Variants in GPR137C observed in about 807,000 individuals in gnomAD.
GPR137C encodes the protein G protein-coupled receptor 137C.
In GPR137C, 27 loss-of-function variants were observed where a neutral mutation model predicts 43.4. The ratio of observed to expected loss-of-function variants is 0.62; its 90% CI spans 0.46 to 0.86. GPR137C has a LOEUF of 0.86. Among genes scored for constraint, GPR137C ranks in the 40% least tolerant of loss-of-function variants. The probability of loss-of-function intolerance (pLI) is 0.00; values close to 1 mark genes in which losing one functional copy is unlikely to be tolerated. For missense variants in GPR137C, 522 were observed against 534.6 expected, an observed-to-expected ratio of 0.98 and a Z score of 0.23; for synonymous variants, 285 against 226.9, an observed-to-expected ratio of 1.26 and a Z score of -2.30.
intron 1 of GPR137C, among the ~76,000 whole-genome samples, chr14:52,584,218 C>G (rs1391120407): frequency 6.6e-6 from 1 of 152,098 alleles, no homozygotes. Flanking sequence ...CCTAAAATAA[C>G]AGAGATTGTC....
chr14:52,578,454 A>G (rs1394143080), intron 1 of GPR137C, among the ~76,000 whole-genome samples: 1 of 151,980 alleles, frequency 6.6e-6, no homozygotes, highest in African/African-American at 2.4e-5. Context: ...TCCCTTCCAT[A>G]AGCTCCTTTT....
At chr14:52,580,088 C>G (rs1178628848) in intron 1 of GPR137C, among the ~76,000 whole-genome samples, 2 of 152,168 alleles carry the variant, frequency 1.3e-5, no homozygotes, top group Admixed American at 6.5e-5. Flanking sequence ...TAACCTTTTT[C>G]TGCACGTACA....
At chr14:52,591,835 C>T (rs1304427653) in intron 1 of GPR137C, among the ~76,000 whole-genome samples, 1 of 152,052 alleles carries the variant, frequency 6.6e-6, no homozygotes, top group Non-Finnish European at 1.5e-5. Context: ...TTAATTAGAT[C>T]CCATTTGTAT....
chr14:52,582,527 C>T (rs1204448542), intron 1 of GPR137C, among the ~76,000 whole-genome samples: 1 of 152,208 alleles, frequency 6.6e-6, no homozygotes, highest in African/African-American at 2.4e-5. Context: ...GGCATGGTGG[C>T]TTATGCCTGT....
intron 3 of GPR137C, among the ~76,000 whole-genome samples, chr14:52,625,589 G>A (rs1329962486): frequency 1.0e-5 from 1 of 95,568 alleles, no homozygotes; most frequent in Admixed American, 1.7e-4. Context: ...GAGTCTTGCT[G>A]TGTCACCCAG....
intron 3 of GPR137C, among the ~76,000 whole-genome samples, chr14:52,628,151 C>CAG (rs1228301647): frequency 6.6e-6 from 1 of 152,146 alleles, no homozygotes; most frequent in Non-Finnish European, 1.5e-5. Flanking sequence ...GTGCTACTGA[C>CAG]ATGAGAAAGA....
chr14:52,577,672 A>G (rs919209363), intron 1 of GPR137C, among the ~76,000 whole-genome samples: 1 of 151,912 alleles, frequency 6.6e-6, no homozygotes, highest in African/African-American at 2.4e-5. Context: ...AAATCAGGTA[A>G]ATTTAAACTT....
rs78427879 is a variant in GPR137C, at chr14:52,577,383, A to C, written c.445-20889A>C. 4.7e-3 allele frequency among the ~76,000 whole-genome samples: 715 copies of C among 152,118 alleles called. 13 individuals are homozygous for C. The highest frequency in any genetic ancestry group is 0.039 in the Admixed American group (594 of 15,266). On this transcript the variant is annotated intron_variant, in intron 1 of 6. Transcript: ENST00000321662. ...ATAGTGTTAAATGTCTACATAAAAA[A>C]GTCATTTCAGATTAACACTAATGTT... is the stretch of plus-strand genomic sequence containing the variant.
intron 1 of GPR137C, among the ~76,000 whole-genome samples, chr14:52,564,990 C>T (rs1304217199): frequency 6.6e-6 from 1 of 152,092 alleles, no homozygotes; most frequent in African/African-American, 2.4e-5. Flanking sequence ...CTAGAGGGAC[C>T]TGAATGCTAC....
At chr14:52,585,836 A>G (rs1412081258) in intron 1 of GPR137C, among the ~76,000 whole-genome samples, 1 of 151,344 alleles carries the variant, frequency 6.6e-6, no homozygotes, top group Non-Finnish European at 1.5e-5. Context: ...CTCAGTCTCA[A>G]AAAAAAAAGA....
At chr14:52,631,688 G>A (rs2039295497) in intron 3 of GPR137C, among the ~76,000 whole-genome samples, 1 of 151,882 alleles carries the variant, frequency 6.6e-6, no homozygotes, top group South Asian at 2.1e-4. Flanking sequence ...CATCAATAGG[G>A]GACTAACAAG....
intron 3 of GPR137C, among the ~76,000 whole-genome samples, chr14:52,608,629 G>A (rs998125363): frequency 1.3e-5 from 2 of 151,982 alleles, no homozygotes; most frequent in Non-Finnish European, 2.9e-5. Flanking sequence ...GGACAGCTCT[G>A]GTGATAAATT....
At chr14:52,611,837 G>T in intron 3 of GPR137C, 2 of 668,600 alleles carry the variant, frequency 3.0e-6, no homozygotes, top group Non-Finnish European at 3.7e-6. Context: ...TAGTGGTGTT[G>T]CAAGGATGAA....
At chr14:52,628,992 T>G (rs1320912226) in intron 3 of GPR137C, among the ~76,000 whole-genome samples, 1 of 152,186 alleles carries the variant, frequency 6.6e-6, no homozygotes, top group African/African-American at 2.4e-5. Context: ...GAATAGATTC[T>G]TCACAAAGAA....
At chr14:52,575,686 C>G (rs2038539638) in intron 1 of GPR137C, among the ~76,000 whole-genome samples, 1 of 152,124 alleles carries the variant, frequency 6.6e-6, no homozygotes, top group Non-Finnish European at 1.5e-5. Context: ...ATCTAAAGAT[C>G]CAAATGTACA....
chr14:52,607,123 G>A (rs2038991582), intron 3 of GPR137C, among the ~76,000 whole-genome samples: 2 of 152,106 alleles, frequency 1.3e-5, no homozygotes, highest in African/African-American at 4.8e-5. Flanking sequence ...CTGATTTCTA[G>A]TCTTGCTCTG....
At chr14:52,610,273 G>A (rs2039024572) in intron 3 of GPR137C, among the ~76,000 whole-genome samples, 2 of 152,136 alleles carry the variant, frequency 1.3e-5, no homozygotes. Context: ...CAGGAAAGGA[G>A]CTCTCTTATT....
At chr14:52,568,278 A>G (rs1157476122) in intron 1 of GPR137C, among the ~76,000 whole-genome samples, 1 of 152,106 alleles carries the variant, frequency 6.6e-6, no homozygotes, top group East Asian at 1.9e-4. Context: ...CAGCTCAGAT[A>G]CTATGCTTTT....
chr14:52,557,280 G>T (rs575091473), intron 1 of GPR137C, among the ~76,000 whole-genome samples: 98 of 152,276 alleles, frequency 6.4e-4, no homozygotes, highest in Middle Eastern at 3.4e-3. Context: ...AAATATGGGG[G>T]TTAACTTTAT....
Sources: gnomAD v4.1 joint callset for allele counts (sites outside exome capture counted in the v4.1 genomes callset) on GRCh38, gnomAD v4.1.1 for gene constraint, MANE v1.5 for transcripts, NCBI Gene and HGNC (gene_info 2026-07-23, HGNC 2026-07-21) for gene names.